PKN3: variants seen among roughly 807,000 people sequenced by gnomAD.
The protein encoded by PKN3 is serine/threonine-protein kinase N3.
PKN3 carries 91 observed loss-of-function variants against 113.1 expected under a neutral mutation model. The observed-to-expected ratio is 0.80, with a 90% CI of 0.68 to 0.96. PKN3 has a LOEUF of 0.96. Among genes scored for constraint, PKN3 ranks in the 40% least tolerant of loss-of-function variants. The probability of loss-of-function intolerance (pLI) is 0.00; values close to 1 mark genes in which losing one functional copy is unlikely to be tolerated. For missense variants in PKN3, 1,052 were observed against 1,202.2 expected, an observed-to-expected ratio of 0.88 and a Z score of 1.85; for synonymous variants, 467 against 499.0, an observed-to-expected ratio of 0.94 and a Z score of 0.85.
chr9:128,707,112 A>T, intron 5 of PKN3, 89 bp downstream of exon 5: 1 of 1,597,556 alleles, frequency 6.3e-7, no homozygotes. Flanking sequence ...GCCGTGTAAA[A>T]GCAGGACTTC....
chr9:128,715,460 G>A lies in PKN3; in HGVS notation c.1808G>A (p.Ser603Asn). ...QEVLSRDEIESLYCEKRILEA... is the reference protein window; with the variant it reads ...QEVLSRDEIENLYCEKRILEA... The stretch of plus-strand genomic sequence containing the variant: ...GTGCTCAGCCGGGACGAGATAGAGA[G>A]GTGTGTGGGGGTGCCGCAGGGCACC... Residue 603 changes from serine to asparagine, a missense_variant and splice_region_variant, in exon 15 of 22, where the codon AGC becomes AAC. By Grantham distance (46) the Ser-to-Asn change is conservative (BLOSUM62 1). Transcript: ENST00000291906. The surrounding 1 kb of genome is among the most constrained non-coding windows in gnomAD (Gnocchi z 4.1). 6.2e-7 allele frequency: 1 copy of A among 1,612,136 alleles called. No individual in the cohort carries two copies. The highest frequency in any genetic ancestry group is 8.5e-7 in the Non-Finnish European group (1 of 1,178,560).
intron 1 of PKN3, among the ~76,000 whole-genome samples, chr9:128,704,914 C>G (rs1861961440): frequency 7.0e-6 from 1 of 141,976 alleles, no homozygotes; most frequent in East Asian, 2.0e-4. Context: ...GCAAAACTGT[C>G]TCAAAAAAAA....
chr9:128,704,005 G>A, intron 1 of PKN3: 1 of 985,456 alleles, frequency 1.0e-6, no homozygotes, highest in Non-Finnish European at 1.2e-6. Flanking sequence ...AGGATTTCCT[G>A]AGCCTCGCCC....
chr9:128,715,275 G>A lies in PKN3; in HGVS notation c.1716+40G>A, dbSNP rs542435286. On this transcript the variant is annotated intron_variant, in intron 14 of 21. Coordinates refer to ENST00000291906, the MANE Select transcript of PKN3 (RefSeq NM_013355.5). This position sits in a 1 kb window ranked among gnomAD's most constrained non-coding sequence, Gnocchi z 4.1. ...AGGGTGGTATGGGACGGGATTGGGG[G>A]CCTCATCACATGAGCCGGGAGGACC... 1.3e-4 allele frequency: 203 copies of A among 1,609,572 alleles called. No individual in the cohort carries two copies. The highest frequency in any genetic ancestry group is 1.7e-4 in the Non-Finnish European group (195 of 1,176,032).
chr9:128,711,630 G>T (rs1862179979), intron 6 of PKN3, among the ~76,000 whole-genome samples: 1 of 146,688 alleles, frequency 6.8e-6, no homozygotes, highest in South Asian at 2.2e-4. Context: ...ACAGAGTCTT[G>T]CTTTGTCGCC....
rs1564367806 is a variant in PKN3 at position 128,702,772 on chromosome 9, G to C, written c.-144G>C. Reference sequence around the variant, plus strand: ...GAGGCGGCGCTGGTCCCGCGGGCCAGCGGGTCTCGGGAGGGGGCGCCCGAT... The same window carrying C: ...GAGGCGGCGCTGGTCCCGCGGGCCACCGGGTCTCGGGAGGGGGCGCCCGAT... On this transcript the variant is annotated 5_prime_UTR_variant, in exon 1 of 22. Transcript: ENST00000291906. The C allele has an allele frequency of 3.2e-6, 2 of 618,148 alleles. No individual in the cohort carries two copies. The highest frequency in any genetic ancestry group is 6.5e-5 in the Admixed American group (2 of 30,864). The allele number at this position is 618,148 out of a possible 1,614,324, so 38.3% of individuals were successfully genotyped here.
chr9:128,708,130 C>T (rs1862075311), intron 6 of PKN3, among the ~76,000 whole-genome samples: 1 of 150,280 alleles, frequency 6.7e-6, no homozygotes. Flanking sequence ...CCTGTAATCC[C>T]AGCACTTTGG....
Position 128,702,727 on chromosome 9 carries a change from C to CG in PKN3, c.-188dup, listed in dbSNP as rs1861890186. The CG allele has an allele frequency of 3.9e-6, 2 of 506,648 alleles. No individual in the cohort carries two copies. Among genetic ancestry groups the CG allele is most frequent in the Non-Finnish European group, 6.8e-6 (2 of 292,682 alleles). The allele number at this position is 506,648 out of a possible 1,614,324, so 31.4% of individuals were successfully genotyped here. ...GGGACCTCGGGCGTGGGGTCCCGGG[C>CG]GCTGGATCGGCGCGGACGGGAGGCG... On this transcript the variant is annotated 5_prime_UTR_variant, in exon 1 of 22. It removes the in-frame stop codon of an upstream open reading frame in the 5' UTR. Transcript: ENST00000291906.
chr9:128,718,319 C>T lies in PKN3; in HGVS notation c.1986-6C>T. The T allele has an allele frequency of 3.7e-6, 6 of 1,613,608 alleles. No individual in the cohort carries two copies. Among genetic ancestry groups the T allele is most frequent in the Non-Finnish European group, 5.1e-6 (6 of 1,179,664 alleles). ...GGCCTGAGTTCTCCCATAACCACCC[C>T]TGCAGCTTCTACGTGGCTTGTGTTG... On this transcript the variant is annotated splice_region_variant and splice_polypyrimidine_tract_variant and intron_variant, in intron 16 of 21. Coordinates refer to ENST00000291906, the MANE Select transcript of PKN3 (RefSeq NM_013355.5).
rs377028819 is a variant in PKN3 at position 128,707,425 on chromosome 9, C to G, written c.835+20C>G. ...TAACAGGTAGTCAGAAGTTCCTCCC[C>G]CTTCAAAGCTCTCCTTCTTTTTGGG... On this transcript the variant is annotated intron_variant, in intron 6 of 21. Transcript: ENST00000291906. 8 of 1,576,370 alleles carry G rather than the reference C, an allele frequency of 5.1e-6. No individual in the cohort carries two copies. In the Admixed American group the frequency reaches 7.0e-5, roughly 14 times the overall value.
In PKN3 at chr9:128,713,271, C is replaced by A; in HGVS notation, c.983-7C>A. On this transcript the variant is annotated splice_region_variant and splice_polypyrimidine_tract_variant and intron_variant, in intron 7 of 21. Transcript: ENST00000291906. Reference sequence around the variant, plus strand: ...GCCTGCCCTGAGTCCCGGCTCTGGCCCTGCAGGCGAGGTGCTGGCTGTGCT... The same window carrying A: ...GCCTGCCCTGAGTCCCGGCTCTGGCACTGCAGGCGAGGTGCTGGCTGTGCT... 2 of 1,613,668 alleles carry A rather than the reference C, an allele frequency of 1.2e-6. No homozygotes were observed. The highest frequency in any genetic ancestry group is 1.7e-6 in the Non-Finnish European group (2 of 1,179,806).
chr9:128,720,889 C>T lies in PKN3; in HGVS notation c.*283C>T, dbSNP rs1862522271. ...TATGGTTTGTCTTTTTAAGACTGGA[C>T]TTGCTTTATATTAAATTTGTAAAAG... On this transcript the variant is annotated 3_prime_UTR_variant, in exon 22 of 22. Coordinates refer to ENST00000291906, the MANE Select transcript of PKN3 (RefSeq NM_013355.5). This position sits in a 1 kb window ranked among gnomAD's most constrained non-coding sequence, Gnocchi z 5.5. The T allele has an allele frequency of 1.8e-6, 1 of 570,984 alleles. No homozygotes were observed. Among genetic ancestry groups the T allele is most frequent in the African/African-American group, 1.9e-5 (1 of 53,136 alleles). The allele number at this position is 570,984 out of a possible 1,614,324, so 35.4% of individuals were successfully genotyped here. A position where few individuals can be genotyped will look rare whatever the true frequency, so the allele number is the denominator to read the frequency against.
At chr9:128,703,697 C>T in intron 1 of PKN3, 2 of 985,360 alleles carry the variant, frequency 2.0e-6, no homozygotes, top group Non-Finnish European at 2.4e-6. Context: ...GAGTTCCAAC[C>T]CAGGGCAGAC....
chr9:128,714,256 G>C lies in PKN3; in HGVS notation c.1372G>C (p.Val458Leu). 6.2e-7 allele frequency: 1 copy of C among 1,613,882 alleles called. No individual in the cohort carries two copies. The highest frequency in any genetic ancestry group is 8.5e-7 in the Non-Finnish European group (1 of 1,179,936). ...CGGCATGGCGGCCTGGGGGCGCCTC[G>C]TCATGAACCTGCTGCCCCCCTGCAG... ...NLGMAAWGRL[V>L]MNLLPPCSSP... Residue 458 changes from valine to leucine, a missense_variant, in exon 11 of 22, where the codon GTC (valine) becomes CTC (leucine). Physicochemically the swap from Val to Leu is conservative, Grantham distance 32. Transcript: ENST00000291906.
At chr9:128,711,005 T>C (rs1862158111) in intron 6 of PKN3, among the ~76,000 whole-genome samples, 1 of 151,136 alleles carries the variant, frequency 6.6e-6, no homozygotes, top group Admixed American at 6.6e-5. Flanking sequence ...GGAGTTTTGC[T>C]CTTATTGCCC....
chr9:128,717,198 G>A (rs1349044170), intron 16 of PKN3, among the ~76,000 whole-genome samples: 4 of 133,618 alleles, frequency 3.0e-5, no homozygotes, highest in Non-Finnish European at 6.1e-5. Flanking sequence ...GCATGATCTC[G>A]GCTCACCACA....
intron 6 of PKN3, among the ~76,000 whole-genome samples, chr9:128,707,959 TTGCTCAGGAAGC>T (rs1276451361): frequency 1.3e-5 from 2 of 150,354 alleles, no homozygotes; most frequent in Admixed American, 1.3e-4. Context: ...GTAATCCTGG[TTGCTCAGGAAGC>T]TGAGGCAGAG....
At chr9:128,714,945 C>T in intron 13 of PKN3, 80 bp downstream of exon 13, 3 of 1,351,008 alleles carry the variant, frequency 2.2e-6, no homozygotes, top group East Asian at 2.3e-5. Flanking sequence ...ATACATTACT[C>T]CCTGGCTCCC....
At position 128,706,939 on chromosome 9, in the gene PKN3, T is replaced by G. The variant is rs766175278; in HGVS notation, c.567T>G (p.Val189=). The change falls in exon 5 of 22, where the codon GTT becomes GTG. Residue 189 remains valine (V), a synonymous_variant. Coordinates refer to ENST00000291906, the MANE Select transcript of PKN3 (RefSeq NM_013355.5). ...LAEELQHRLH[V]EAAVAEGAKN... The stretch of plus-strand genomic sequence containing the variant: ...AGGAGCTACAGCATCGACTGCACGT[T>G]GAGGCAGCTGTGGCTGAGGGCGCCA... 1.2e-6 allele frequency: 2 copies of G among 1,614,024 alleles called. No individual in the cohort carries two copies. The highest frequency in any genetic ancestry group is 1.7e-6 in the Non-Finnish European group (2 of 1,180,024).
Sources: allele counts gnomAD v4.1 joint callset (sites outside exome capture counted in the v4.1 genomes callset), GRCh38; gene constraint gnomAD v4.1.1; non-coding constraint Gnocchi (gnomAD v3.1); transcripts MANE v1.5; gene names NCBI Gene and HGNC (gene_info 2026-07-23, HGNC 2026-07-21).